Variants in CORO1C observed in about 807,000 individuals in gnomAD.
CORO1C encodes coronin-1C.
In CORO1C, 14 loss-of-function variants were observed where a neutral mutation model predicts 51.2. The ratio of observed to expected loss-of-function variants is 0.27; its 90% CI spans 0.18 to 0.43. The LOEUF (loss-of-function observed/expected upper bound fraction) is 0.43. Ranked by LOEUF, CORO1C falls within the 20% of genes least tolerant of loss-of-function variation. The pLI is 1.00. For missense variants in CORO1C, 417 were observed against 607.8 expected, an observed-to-expected ratio of 0.69 and a Z score of 3.30; for synonymous variants, 181 against 210.5, an observed-to-expected ratio of 0.86 and a Z score of 1.21.
At chr12:108,672,636 T>C (rs1375271128) in intron 3 of CORO1C, among the ~76,000 whole-genome samples, 2 of 151,516 alleles carry the variant, frequency 1.3e-5, no homozygotes, top group Non-Finnish European at 2.9e-5. Context: ...TTCACAGATA[T>C]TGTGGTGGTG....
chr12:108,662,774 ATATTTT>A (rs1178492781), intron 3 of CORO1C, among the ~76,000 whole-genome samples: 1 of 152,202 alleles, frequency 6.6e-6, no homozygotes, highest in African/African-American at 2.4e-5. Flanking sequence ...AATACACTTA[ATATTTT>A]TATAACATGT....
At chr12:108,722,946 C>T (rs76824355) in intron 1 of CORO1C, among the ~76,000 whole-genome samples, 4,995 of 152,256 alleles carry the variant, frequency 0.033, 296 homozygotes, top group African/African-American at 0.11. Flanking sequence ...TCTTTTCCTA[C>T]AGTAGCACTG....
chr12:108,654,747 G>A (rs2032858351), intron 6 of CORO1C, among the ~76,000 whole-genome samples: 1 of 151,542 alleles, frequency 6.6e-6, no homozygotes, highest in African/African-American at 2.4e-5. Context: ...CTGTCGCCCA[G>A]GCTGGAGTGC....
intron 1 of CORO1C, chr12:108,702,668 G>A (rs945582924): frequency 1.0e-6 from 1 of 963,970 alleles, no homozygotes; most frequent in Non-Finnish European, 1.5e-6. Flanking sequence ...GCTAACACCT[G>A]TCCACTCATG....
chr12:108,705,567 T>C (rs1384651552), intron 1 of CORO1C, among the ~76,000 whole-genome samples: 1 of 149,130 alleles, frequency 6.7e-6, no homozygotes, highest in African/African-American at 2.5e-5. Context: ...AAATACCAAG[T>C]ACTCACAAAA....
intron 1 of CORO1C, among the ~76,000 whole-genome samples, chr12:108,718,764 G>GA (rs201562296): frequency 6.6e-6 from 1 of 151,912 alleles, no homozygotes; most frequent in South Asian, 2.1e-4. Context: ...TAAAGCGAAG[G>GA]AAAAAACAAA....
Position 108,654,353 on chromosome 12 carries a change from GCAACA to G in CORO1C, c.803_807del (p.Val268AlafsTer5). 1 of 1,613,528 alleles carries G rather than the reference GCAACA, an allele frequency of 6.2e-7. No homozygotes were observed. The highest frequency in any genetic ancestry group is 1.1e-5 in the South Asian group (1 of 91,052). On this transcript the variant is annotated frameshift_variant, in exon 7 of 11. Coordinates refer to ENST00000261401, the MANE Select transcript of CORO1C (RefSeq NM_014325.4). LOFTEE classifies it high-confidence loss of function. ...CTGGTGTCAGGGTCATAGAAAGGCA[GCAACA>G]CCCCATTGCTAGTGTCCATCTCATG...
At chr12:108,687,149 A>C (rs2034322118) in intron 2 of CORO1C, among the ~76,000 whole-genome samples, 1 of 152,226 alleles carries the variant, frequency 6.6e-6, no homozygotes, top group African/African-American at 2.4e-5. Flanking sequence ...TCCAATGGGC[A>C]TTTTGCGGGG....
intron 2 of CORO1C, among the ~76,000 whole-genome samples, chr12:108,693,768 A>G (rs2034574886): frequency 6.6e-6 from 1 of 152,164 alleles, no homozygotes. Flanking sequence ...CTAGGGACAG[A>G]GCCCCTCTAC....
At chr12:108,712,249 A>G (rs1458226440) in intron 1 of CORO1C, among the ~76,000 whole-genome samples, 2 of 152,164 alleles carry the variant, frequency 1.3e-5, no homozygotes, top group Non-Finnish European at 2.9e-5. Flanking sequence ...AGTTATTTAA[A>G]TGACAATGCC....
At chr12:108,675,071 CCAACCTTCAG>C (rs1225216240) in intron 3 of CORO1C, among the ~76,000 whole-genome samples, 2 of 152,064 alleles carry the variant, frequency 1.3e-5, no homozygotes, top group Non-Finnish European at 2.9e-5. Flanking sequence ...CTCATCCAGC[CCAACCTTCAG>C]CAACCACCAC....
Position 108,647,410 on chromosome 12 carries a change from G to C in CORO1C, c.1418C>G (p.Ala473Gly). The C allele has an allele frequency of 5.0e-6, 8 of 1,613,182 alleles. No individual in the cohort carries two copies. The highest frequency in any genetic ancestry group is 6.8e-6 in the Non-Finnish European group (8 of 1,179,674). ...SKLEQQMAKIAA is the reference protein window; with the variant it reads ...SKLEQQMAKIGA ...GGGGTGGGGGTGGGACCTTCAGGCT[G>C]CTATCTTTGCCATCTGCTGTTCTAA... The change falls in exon 11 of 11, where the codon GCA (alanine) becomes GGA (glycine). Residue 473 changes from alanine to glycine, a missense_variant. By Grantham distance (60) the Ala-to-Gly change is moderately conservative (BLOSUM62 0). Coordinates refer to ENST00000261401, the MANE Select transcript of CORO1C (RefSeq NM_014325.4).
Position 108,647,251 on chromosome 12 carries a change from G to T in CORO1C, c.*152C>A. The T allele has an allele frequency of 3.3e-6, 2 of 600,592 alleles. No homozygotes were observed. The highest frequency in any genetic ancestry group is 3.7e-4 in the Middle Eastern group (1 of 2,710). 37.2% of individuals were successfully genotyped at this position (600,592 alleles called of 1,614,324 possible). Reference sequence around the variant, plus strand: ...TGGGAGACAAATTGAGTTCTTACTGGAATGTGGCCTATCGCTGGTTGACAA... The same window carrying T: ...TGGGAGACAAATTGAGTTCTTACTGTAATGTGGCCTATCGCTGGTTGACAA... On this transcript the variant is annotated 3_prime_UTR_variant, in exon 11 of 11. Transcript: ENST00000261401.
chr12:108,703,444 T>A (rs930522838), intron 1 of CORO1C, among the ~76,000 whole-genome samples: 1 of 152,116 alleles, frequency 6.6e-6, no homozygotes, highest in African/African-American at 2.4e-5. Context: ...ACAAGAGGAC[T>A]GGAAAAGAGG....
chr12:108,673,508 A>G (rs1486924760), intron 3 of CORO1C, among the ~76,000 whole-genome samples: 3 of 152,256 alleles, frequency 2.0e-5, no homozygotes, highest in Non-Finnish European at 4.4e-5. Flanking sequence ...AGGTCTGGAT[A>G]AGATCATTGA....
rs1416194625 is a variant in CORO1C at position 108,648,797 on chromosome 12, C to T, written c.1113G>A (p.Ala371=). ...CTTCGAACCACTCTTCTGCCTCCAG[C>T]GCGGCCTCTGGCCCCGCTGTGTCAG... ...LYPDTAGPEA[A]LEAEEWFEGK... is the part of the protein sequence containing the mutation. The change falls in exon 10 of 11, where the codon GCG becomes GCA. Residue 371 remains alanine, a synonymous_variant. Transcript: ENST00000261401. The T allele has an allele frequency of 3.1e-6, 5 of 1,614,122 alleles. No homozygotes were observed. In the African/African-American group the frequency reaches 4.0e-5, roughly 13 times the overall value.
chr12:108,726,361 G>A (rs1290426277), intron 1 of CORO1C, among the ~76,000 whole-genome samples: 1 of 151,302 alleles, frequency 6.6e-6, no homozygotes, highest in African/African-American at 2.4e-5. Context: ...AGAGCTTGCA[G>A]TGAGCTGAGA....
At chr12:108,650,334 A>G (rs1779793516) in intron 8 of CORO1C, among the ~76,000 whole-genome samples, 1 of 151,830 alleles carries the variant, frequency 6.6e-6, no homozygotes, top group Non-Finnish European at 1.5e-5. Context: ...ACGTACTACC[A>G]CACCTGGCTA....
intron 6 of CORO1C, among the ~76,000 whole-genome samples, chr12:108,655,514 C>T (rs1039042412): frequency 6.6e-6 from 1 of 152,166 alleles, no homozygotes; most frequent in African/African-American, 2.4e-5. Flanking sequence ...TGAGTGCCTG[C>T]GATTGCAAGC....
Sources: allele counts gnomAD v4.1 joint callset (sites outside exome capture counted in the v4.1 genomes callset), GRCh38; gene constraint gnomAD v4.1.1; transcripts MANE v1.5; gene names NCBI Gene and HGNC (gene_info 2026-07-23, HGNC 2026-07-21).